The following ITGAV variants were observed in gnomAD, a reference collection of about 807,000 sequenced individuals.
ITGAV encodes integrin subunit alpha V.
In ITGAV, 76 loss-of-function variants were observed where a neutral mutation model predicts 143.8. The ratio of observed to expected loss-of-function variants is 0.53; its 90% CI spans 0.44 to 0.64. The LOEUF (loss-of-function observed/expected upper bound fraction) is 0.64. Among genes scored for constraint, ITGAV ranks in the 30% least tolerant of loss-of-function variants. ITGAV has a pLI of 0.00. For missense variants in ITGAV, 1,193 were observed against 1,274.7 expected, an observed-to-expected ratio of 0.94 and a Z score of 0.98; for synonymous variants, 453 against 446.7, an observed-to-expected ratio of 1.01 and a Z score of -0.18.
In ITGAV at chr2:186,619,584, G is replaced by A. The variant is rs58694445; in HGVS notation, c.317-2755G>A. Among the ~76,000 whole-genome samples, 287 of 152,208 alleles carry A rather than the reference G, an allele frequency of 1.9e-3. 1 individual carries two copies. Among genetic ancestry groups the A allele is most frequent in the African/African-American group, 6.4e-3 (265 of 41,542 alleles). On this transcript the variant is annotated intron_variant, in intron 2 of 29. Transcript: ENST00000261023. ...CCCAACACAAAAAAACGTGCTAAAT[G>A]TTCAAGGTGATGAACGTGCTTATTA...
Position 186,677,288 on chromosome 2 carries a change from C to G in ITGAV, c.3143C>G (p.Thr1048Ser). 1 of 1,610,314 alleles carries G rather than the reference C, an allele frequency of 6.2e-7. No homozygotes were observed. Among genetic ancestry groups the G allele is most frequent in the Non-Finnish European group, 8.5e-7 (1 of 1,176,920 alleles). ...GAAAATGGTGAAGGAAACTCAGAAA[C>G]TTAACTGCAGTTTTTAAGTTATGCT... Reference protein sequence around the residue: ...PHENGEGNSET With the variant: ...PHENGEGNSES Residue 1048 changes from threonine to serine, a missense_variant, in exon 30 of 30, where the codon ACT (threonine) becomes AGT (serine). Thr to Ser is a moderately conservative substitution (Grantham distance 58). Coordinates refer to ENST00000261023, the MANE Select transcript of ITGAV (RefSeq NM_002210.5).
chr2:186,591,411 A>G (rs1686612225), intron 1 of ITGAV, among the ~76,000 whole-genome samples: 1 of 152,146 alleles, frequency 6.6e-6, no homozygotes, highest in African/African-American at 2.4e-5. Context: ...CGTTAGGAGT[A>G]CTGTTTTAAT....
At chr2:186,604,327 T>C (rs1367137767) in intron 2 of ITGAV, among the ~76,000 whole-genome samples, 1 of 152,240 alleles carries the variant, frequency 6.6e-6, no homozygotes, top group Non-Finnish European at 1.5e-5. Context: ...CTTATCGGCA[T>C]ATGAATTTAC....
rs1686868910 is a variant in ITGAV, at chr2:186,600,454, G to C, written c.186-1567G>C. 31 of 1,524,632 alleles carry C rather than the reference G, an allele frequency of 2.0e-5. No individual in the cohort carries two copies. The South Asian group carries it at 3.7e-4, about 18-fold the overall frequency. The allele number at this position is 1,524,632 out of a possible 1,614,324, so 94.4% of individuals were successfully genotyped here. A position where few individuals can be genotyped will look rare whatever the true frequency, so the allele number is the denominator to read the frequency against. On this transcript the variant is annotated intron_variant, in intron 1 of 29. Transcript: ENST00000261023. ...ACTTTCTTCCCCATTCTTTAAAGAT[G>C]ATTTCCTTAGAGAGACTTTCCTTTA...
rs201659867 is a variant in ITGAV, at chr2:186,649,814, A to G, written c.1352-26A>G. On this transcript the variant is annotated intron_variant, in intron 13 of 29. Coordinates refer to ENST00000261023, the MANE Select transcript of ITGAV (RefSeq NM_002210.5). Reference sequence around the variant, plus strand: ...CATTTTAAAAACCATTATCATTATTAACATGTTTTTCCACTCTTTCTTAAG... The same window carrying G: ...CATTTTAAAAACCATTATCATTATTGACATGTTTTTCCACTCTTTCTTAAG... The G allele has an allele frequency of 1.5e-4, 230 of 1,500,880 alleles. No individual in the cohort carries two copies. The African/African-American group carries it at 1.8e-3, about 12-fold the overall frequency. 93.0% of individuals were successfully genotyped at this position (1,500,880 alleles called of 1,614,324 possible).
At chr2:186,650,205 T>A (rs537845481) in intron 14 of ITGAV, among the ~76,000 whole-genome samples, 1 of 152,326 alleles carries the variant, frequency 6.6e-6, no homozygotes, top group South Asian at 2.1e-4. Context: ...TTCCAGCCTC[T>A]CTTCTAGTTA....
At chr2:186,595,343 G>C (rs1198176627) in intron 1 of ITGAV, among the ~76,000 whole-genome samples, 1 of 152,166 alleles carries the variant, frequency 6.6e-6, no homozygotes, top group Non-Finnish European at 1.5e-5. Flanking sequence ...GCCCCTCCTT[G>C]GTTGTCAAGG....
intron 1 of ITGAV, among the ~76,000 whole-genome samples, chr2:186,596,742 A>G (rs868493187): frequency 1.3e-5 from 2 of 152,056 alleles, no homozygotes; most frequent in Non-Finnish European, 1.5e-5. Flanking sequence ...AGCATCTTTT[A>G]TCACCTTGTA....
Position 186,659,090 on chromosome 2 carries a change from A to G in ITGAV, c.1772A>G (p.Tyr591Cys). Residue 591 changes from tyrosine to cysteine, a missense_variant, in exon 18 of 30, where the codon TAT (tyrosine) becomes TGT (cysteine). By Grantham distance (194) the Tyr-to-Cys change is radical. Transcript: ENST00000261023. ...KLTPITIFMEYRLDYRTAADT... is the reference protein window; with the variant it reads ...KLTPITIFMECRLDYRTAADT... ...ACTCCAATTACTATTTTTATGGAATATCGGTTGGATTATAGAACAGCTGCT... is the reference window on the plus strand; with the variant it reads ...ACTCCAATTACTATTTTTATGGAATGTCGGTTGGATTATAGAACAGCTGCT... The G allele has an allele frequency of 6.2e-7, 1 of 1,610,948 alleles. No individual in the cohort carries two copies. Among genetic ancestry groups the G allele is most frequent in the Non-Finnish European group, 8.5e-7 (1 of 1,177,288 alleles).
chr2:186,658,685 G>T (rs1688655005), intron 17 of ITGAV, among the ~76,000 whole-genome samples: 1 of 152,046 alleles, frequency 6.6e-6, no homozygotes, highest in African/African-American at 2.4e-5. Context: ...ATCCTATTGA[G>T]AAGGAATGCA....
chr2:186,655,207 A>G (rs901227245), intron 16 of ITGAV, among the ~76,000 whole-genome samples: 1 of 152,196 alleles, frequency 6.6e-6, no homozygotes, highest in African/African-American at 2.4e-5. Flanking sequence ...TGAGAGCAAG[A>G]TAGGCAAGAT....
In ITGAV at chr2:186,608,378, A is replaced by G. The variant is rs191965061; in HGVS notation, c.316+6227A>G. Among the ~76,000 whole-genome samples the G allele has an allele frequency of 4.5e-4, 68 of 152,318 alleles. 1 individual carries two copies. Among genetic ancestry groups the G allele is most frequent in the Middle Eastern group, 3.4e-3 (1 of 294 alleles). ...TGCTGCATAGTCTGTTTCTCCTTTG[A>G]AAAAATAGAATAGTAACTATATTCC... On this transcript the variant is annotated intron_variant, in intron 2 of 29. Transcript: ENST00000261023.
rs201285380 is a variant in ITGAV at position 186,679,955 on chromosome 2, A to G, written c.*2663A>G. 4 of 152,110 alleles carry G rather than the reference A, an allele frequency of 2.6e-5. No homozygotes were observed. Among genetic ancestry groups the G allele is most frequent in the Admixed American group, 6.5e-5 (1 of 15,274 alleles). The allele number at this position is 152,110 out of a possible 1,614,324, so 9.4% of individuals were successfully genotyped here. A position where few individuals can be genotyped will look rare whatever the true frequency, so the allele number is the denominator to read the frequency against. ...CTCAAGTATTAATAAAAGAGACTTT[A>G]CTGGCTTAAGAGGGCTGTGAAAGAT... On this transcript the variant is annotated 3_prime_UTR_variant, in exon 30 of 30. Transcript: ENST00000261023.
In ITGAV at chr2:186,659,163, C is replaced by T; in HGVS notation, c.1845C>T (p.Asn615=). ...QPILNQFTPA[N]ISRQAHILLD... is the part of the protein sequence containing the mutation. ...TTCTTAACCAGTTCACGCCTGCTAACATTAGTCGACAGGTACTGTACTCAG... is the reference window on the plus strand; with the variant it reads ...TTCTTAACCAGTTCACGCCTGCTAATATTAGTCGACAGGTACTGTACTCAG... The change falls in exon 18 of 30, where the codon AAC becomes AAT. Residue 615 remains asparagine, a synonymous_variant. Coordinates refer to ENST00000261023, the MANE Select transcript of ITGAV (RefSeq NM_002210.5). 1 of 1,606,462 alleles carries T rather than the reference C, an allele frequency of 6.2e-7. No homozygotes were observed. Among genetic ancestry groups the T allele is most frequent in the South Asian group, 1.1e-5 (1 of 89,662 alleles).
At chr2:186,598,296 C>CACACACAG (rs1362581000) in intron 1 of ITGAV, among the ~76,000 whole-genome samples, 1 of 15,432 alleles carries the variant, frequency 6.5e-5, no homozygotes, top group Non-Finnish European at 2.2e-4. Flanking sequence ...ATAATTTATA[C>CACACACAG]ACACACACAC....
Position 186,600,017 on chromosome 2 carries a change from A to G in ITGAV, c.186-2004A>G, listed in dbSNP as rs564800769. ...TCCCTTAATGCTTTCCCCATAGGGC[A>G]TAACATTTAGTTTTCTTTAGTAGAT... On this transcript the variant is annotated intron_variant, in intron 1 of 29. Transcript: ENST00000261023. Among the ~76,000 whole-genome samples, 3 of 152,280 alleles carry G rather than the reference A, an allele frequency of 2.0e-5. No individual in the cohort carries two copies. The South Asian group carries it at 6.2e-4, about 32-fold the overall frequency.
At chr2:186,624,045 A>G (rs775946615) in intron 3 of ITGAV, among the ~76,000 whole-genome samples, 1 of 152,156 alleles carries the variant, frequency 6.6e-6, no homozygotes, top group Non-Finnish European at 1.5e-5. Flanking sequence ...CCTTAAAAAC[A>G]TCTCCAAAAA....
At chr2:186,619,353 A>G (rs1687458743) in intron 2 of ITGAV, among the ~76,000 whole-genome samples, 1 of 152,082 alleles carries the variant, frequency 6.6e-6, no homozygotes, top group African/African-American at 2.4e-5. Context: ...GCTAAGAAAA[A>G]GTTGATGTCA....
chr2:186,643,585 T>C (rs1215857529), intron 12 of ITGAV, among the ~76,000 whole-genome samples: 3 of 152,148 alleles, frequency 2.0e-5, no homozygotes, highest in Non-Finnish European at 4.4e-5. Flanking sequence ...TATTCCTCTC[T>C]TTCCACCTAC....
Sources: gnomAD v4.1 joint callset for allele counts (sites outside exome capture counted in the v4.1 genomes callset) on GRCh38, gnomAD v4.1.1 for gene constraint, MANE v1.5 for transcripts, NCBI Gene and HGNC (gene_info 2026-07-23, HGNC 2026-07-21) for gene names.